CHSY3: variants seen among roughly 807,000 people sequenced by gnomAD.
CHSY3 encodes chondroitin sulfate synthase 3.
CHSY3 carries 35 observed loss-of-function variants against 67.2 expected under a neutral mutation model. The observed-to-expected ratio is 0.52, with a 90% CI of 0.40 to 0.69. CHSY3 has a LOEUF of 0.69. Among genes scored for constraint, CHSY3 ranks in the 30% least tolerant of loss-of-function variants. The pLI is 0.00. For missense variants in CHSY3, 1,069 were observed against 1,138.5 expected, an observed-to-expected ratio of 0.94 and a Z score of 0.88; for synonymous variants, 474 against 434.7, an observed-to-expected ratio of 1.09 and a Z score of -1.12.
chr5:130,029,206 C>T (rs868486678), intron 2 of CHSY3, among the ~76,000 whole-genome samples: 1 of 152,136 alleles, frequency 6.6e-6, no homozygotes, highest in Non-Finnish European at 1.5e-5. Context: ...CTACCCAAGT[C>T]TCTTGGACTC....
chr5:130,163,716 G>A (rs1245577809), intron 2 of CHSY3, among the ~76,000 whole-genome samples: 5 of 152,194 alleles, frequency 3.3e-5, no homozygotes, highest in African/African-American at 7.2e-5. Context: ...CAGTTTAACT[G>A]TGGATGGGGG....
intron 2 of CHSY3, among the ~76,000 whole-genome samples, chr5:129,936,381 T>A (rs1365200776): frequency 6.6e-6 from 1 of 151,912 alleles, no homozygotes; most frequent in Non-Finnish European, 1.5e-5. Flanking sequence ...CAGATTGAGT[T>A]CTAGGCTGAC....
At chr5:129,958,174 G>T (rs1580581146) in intron 2 of CHSY3, among the ~76,000 whole-genome samples, 1 of 152,182 alleles carries the variant, frequency 6.6e-6, no homozygotes, top group East Asian at 1.9e-4. Context: ...TTATTAGTTT[G>T]TGTGTTTGAC....
At chr5:130,182,944 A>C (rs1770293242) in intron 2 of CHSY3, among the ~76,000 whole-genome samples, 1 of 149,920 alleles carries the variant, frequency 6.7e-6, no homozygotes, top group Non-Finnish European at 1.5e-5. Flanking sequence ...TTGTCTATTA[A>C]TTGAGTTTTT....
chr5:129,987,956 G>A (rs192181562), intron 2 of CHSY3, among the ~76,000 whole-genome samples: 22 of 152,030 alleles, frequency 1.4e-4, no homozygotes, highest in African/African-American at 3.6e-4. Flanking sequence ...AAATCTTTCC[G>A]TTTTTCTTGC....
chr5:130,152,533 G>T (rs1427023884), intron 2 of CHSY3, among the ~76,000 whole-genome samples: 1 of 152,010 alleles, frequency 6.6e-6, no homozygotes, highest in African/African-American at 2.4e-5. Flanking sequence ...GTTTTGTGAG[G>T]GTGAGTAAGA....
At chr5:129,999,537 C>G (rs1763658107) in intron 2 of CHSY3, among the ~76,000 whole-genome samples, 1 of 152,096 alleles carries the variant, frequency 6.6e-6, no homozygotes, top group Non-Finnish European at 1.5e-5. Context: ...CATGAACACT[C>G]TCCAGCAATG....
chr5:129,946,246 G>T (rs1050643063), intron 2 of CHSY3, among the ~76,000 whole-genome samples: 6 of 152,050 alleles, frequency 3.9e-5, no homozygotes, highest in African/African-American at 1.4e-4. Flanking sequence ...TCATTTCCTA[G>T]ATGTTTTCTA....
At chr5:129,953,735 G>C (rs995362892) in intron 2 of CHSY3, among the ~76,000 whole-genome samples, 5 of 152,170 alleles carry the variant, frequency 3.3e-5, no homozygotes, top group African/African-American at 1.2e-4. Context: ...GACCAGTGAT[G>C]ATGAGCTTTT....
intron 2 of CHSY3, among the ~76,000 whole-genome samples, chr5:130,157,725 T>C (rs1395622042): frequency 9.8e-6 from 1 of 102,390 alleles, no homozygotes; most frequent in African/African-American, 3.8e-5. Context: ...TAGGGTAAAG[T>C]GAAAGCAAGT....
chr5:130,077,221 A>C (rs2149684773), intron 2 of CHSY3, among the ~76,000 whole-genome samples: 1 of 152,184 alleles, frequency 6.6e-6, no homozygotes, highest in South Asian at 2.1e-4. Context: ...AAGAAGTATG[A>C]GGCCTGCTTC....
chr5:130,013,040 C>A (rs552792000), intron 2 of CHSY3, among the ~76,000 whole-genome samples: 2 of 151,722 alleles, frequency 1.3e-5, no homozygotes, highest in African/African-American at 4.8e-5. Flanking sequence ...GAGAAATTGG[C>A]AAAAACAAAG....
chr5:130,079,366 C>T (rs1258724492), intron 2 of CHSY3, among the ~76,000 whole-genome samples: 1 of 152,050 alleles, frequency 6.6e-6, no homozygotes, highest in Non-Finnish European at 1.5e-5. Flanking sequence ...TTATTAAAGA[C>T]TTGAAGCCAA....
chr5:130,058,559 G>A (rs914630980), intron 2 of CHSY3, among the ~76,000 whole-genome samples: 7 of 152,222 alleles, frequency 4.6e-5, no homozygotes, highest in African/African-American at 1.7e-4. Flanking sequence ...CCCTGAGGTG[G>A]AAGTTGCAGT....
intron 2 of CHSY3, among the ~76,000 whole-genome samples, chr5:130,059,388 CCTCTCT>C (rs368706513): frequency 2.1e-5 from 3 of 144,198 alleles, no homozygotes; most frequent in African/African-American, 5.4e-5. Flanking sequence ...TCTCTCTCTA[CCTCTCT>C]CTCTCTCTCT....
At chr5:130,153,290 C>G (rs1769280372) in intron 2 of CHSY3, among the ~76,000 whole-genome samples, 1 of 151,872 alleles carries the variant, frequency 6.6e-6, no homozygotes, top group Middle Eastern at 3.4e-3. Context: ...TGGAAAATTA[C>G]CATTCTTGAG....
At chr5:130,168,428 G>A (rs1011810751) in intron 2 of CHSY3, among the ~76,000 whole-genome samples, 13 of 152,060 alleles carry the variant, frequency 8.5e-5, no homozygotes, top group Non-Finnish European at 1.6e-4. Context: ...AGAGATGGAG[G>A]ACTCCCATCA....
At chr5:130,085,698 T>C (rs1766593937) in intron 2 of CHSY3, among the ~76,000 whole-genome samples, 1 of 152,142 alleles carries the variant, frequency 6.6e-6, no homozygotes, top group Non-Finnish European at 1.5e-5. Context: ...TTAATTGTGA[T>C]GTTAGGGTGT....
Position 130,129,840 on chromosome 5 carries a change from C to T in CHSY3, c.1087-54389C>T, listed in dbSNP as rs561240943. On this transcript the variant is annotated intron_variant, in intron 2 of 2. Coordinates refer to ENST00000305031, the MANE Select transcript of CHSY3 (RefSeq NM_175856.5). ...TGCCTGAGTGACCATAAGGACCCAA[C>T]GAAAGAAAGCACATGAAAGTTCTCT... Among the ~76,000 whole-genome samples, 179 of 151,900 alleles carry T rather than the reference C, an allele frequency of 1.2e-3. 1 individual carries two copies. The highest frequency in any genetic ancestry group is 4.0e-3 in the African/African-American group (164 of 41,434).
Sources: gnomAD v4.1 joint callset for allele counts (sites outside exome capture counted in the v4.1 genomes callset) on GRCh38, gnomAD v4.1.1 for gene constraint, MANE v1.5 for transcripts, NCBI Gene and HGNC (gene_info 2026-07-23, HGNC 2026-07-21) for gene names.